PLXNA4: variants seen among roughly 807,000 people sequenced by gnomAD.
PLXNA4 encodes the protein plexin A4.
PLXNA4 carries 44 observed loss-of-function variants against 191.8 expected under a neutral mutation model. The ratio of observed to expected loss-of-function variants is 0.23; its 90% CI spans 0.18 to 0.29. PLXNA4 has a LOEUF of 0.29. Ranked by LOEUF, PLXNA4 falls within the 10% of genes least tolerant of loss-of-function variation. The pLI is 1.00. For missense variants in PLXNA4, 1,800 were observed against 2,488.8 expected (o/e 0.72, Z 5.89); for synonymous variants, 1,082 against 1,009.5 (o/e 1.07, Z -1.36).
rs939031358 is a variant in PLXNA4, at chr7:132,128,070, T to TTAAA, written c.*2405_*2408dup. 1.3e-5 allele frequency: 2 copies of TTAAA among 151,836 alleles called. No homozygotes were observed. The highest frequency in any genetic ancestry group is 6.6e-5 in the Admixed American group (1 of 15,248). 9.4% of individuals were successfully genotyped at this position (151,836 alleles called of 1,614,324 possible). A position where few individuals can be genotyped will look rare whatever the true frequency, so the allele number is the denominator to read the frequency against. On this transcript the variant is annotated 3_prime_UTR_variant, in exon 32 of 32. Coordinates refer to ENST00000321063, the MANE Select transcript of PLXNA4 (RefSeq NM_020911.2). ...GCAGCTTCCATCCAGCAAATCTGTG[T>TTAAA]TAAATACGTTTGTGTCTCTTTCCTC...
At chr7:132,304,152 G>C (rs1233781476) in intron 3 of PLXNA4, among the ~76,000 whole-genome samples, 37 of 152,180 alleles carry the variant, frequency 2.4e-4, no homozygotes, top group Non-Finnish European at 5.9e-5. Context: ...AACATACTGA[G>C]AGAAGGGTTA....
At chr7:132,316,100 A>C (rs927366766) in intron 3 of PLXNA4, among the ~76,000 whole-genome samples, 3 of 152,196 alleles carry the variant, frequency 2.0e-5, no homozygotes, top group African/African-American at 4.8e-5. Flanking sequence ...AACTTGGAAA[A>C]ACTGCTATGC....
chr7:132,439,357 A>C (rs1360293060), intron 3 of PLXNA4, among the ~76,000 whole-genome samples: 1 of 152,170 alleles, frequency 6.6e-6, no homozygotes, highest in African/African-American at 2.4e-5. Context: ...GGCCAGCTAC[A>C]CTTTAGAATA....
chr7:132,535,327 A>G (rs145598493), intron 1 of PLXNA4, among the ~76,000 whole-genome samples: 243 of 152,294 alleles, frequency 1.6e-3, no homozygotes, highest in Middle Eastern at 3.4e-3. Flanking sequence ...TCATTCCCCA[A>G]CTTTGTTGAG....
intron 3 of PLXNA4, among the ~76,000 whole-genome samples, chr7:132,353,531 T>A (rs967405063): frequency 6.6e-6 from 1 of 152,140 alleles, no homozygotes; most frequent in African/African-American, 2.4e-5. Flanking sequence ...CTAGGAAGTT[T>A]CTCCTCCTAA....
intron 1 of PLXNA4, among the ~76,000 whole-genome samples, chr7:132,512,380 T>C (rs1160486196): frequency 2.0e-5 from 3 of 152,178 alleles, no homozygotes; most frequent in African/African-American, 7.2e-5. Flanking sequence ...AAAGGTGCCA[T>C]GGCTCATTCT....
chr7:132,158,020 C>A (rs1721531182), intron 25 of PLXNA4, among the ~76,000 whole-genome samples: 1 of 152,212 alleles, frequency 6.6e-6, no homozygotes, highest in South Asian at 2.1e-4. Context: ...ACCACCATCA[C>A]ACATTGGCTT....
chr7:132,260,478 G>T (rs1356951496), intron 4 of PLXNA4, among the ~76,000 whole-genome samples: 1 of 152,062 alleles, frequency 6.6e-6, no homozygotes, highest in African/African-American at 2.4e-5. Flanking sequence ...GGAACATAAA[G>T]ATAAAGACGG....
At chr7:132,285,843 C>A (rs1017543284) in intron 4 of PLXNA4, among the ~76,000 whole-genome samples, 1 of 152,136 alleles carries the variant, frequency 6.6e-6, no homozygotes, top group East Asian at 1.9e-4. Flanking sequence ...CCCTAGGGGA[C>A]AGGGGAGTGG....
At chr7:132,164,318 A>G in intron 23 of PLXNA4, 30 bp from the exon 24 acceptor site, 1 of 1,611,226 alleles carries the variant, frequency 6.2e-7, no homozygotes, top group South Asian at 1.1e-5. Flanking sequence ...CATTAGGAGG[A>G]GCTCTTGGAA....
At chr7:132,460,519 T>C (rs1175731446) in intron 3 of PLXNA4, among the ~76,000 whole-genome samples, 1 of 152,174 alleles carries the variant, frequency 6.6e-6, no homozygotes, top group Non-Finnish European at 1.5e-5. Context: ...TCCCAGAGGT[T>C]CAGGTGGCAA....
chr7:132,186,829 C>T (rs573239323), intron 15 of PLXNA4, among the ~76,000 whole-genome samples: 2 of 152,140 alleles, frequency 1.3e-5, no homozygotes, highest in Non-Finnish European at 2.9e-5. Flanking sequence ...GAAACAAACC[C>T]CCTCTTTGCC....
intron 3 of PLXNA4, among the ~76,000 whole-genome samples, chr7:132,444,406 C>T (rs1275796543): frequency 2.6e-5 from 4 of 152,236 alleles, no homozygotes; most frequent in African/African-American, 9.6e-5. Context: ...AGGCATGTGC[C>T]ACCATGCCCA....
intron 13 of PLXNA4, among the ~76,000 whole-genome samples, chr7:132,194,767 T>A (rs1297051265): frequency 6.6e-6 from 1 of 152,168 alleles, no homozygotes; most frequent in African/African-American, 2.4e-5. Flanking sequence ...ATTGCTTTGA[T>A]TACAAAATTT....
chr7:132,558,050 T>C (rs1800879400), intron 1 of PLXNA4, among the ~76,000 whole-genome samples: 1 of 152,154 alleles, frequency 6.6e-6, no homozygotes, highest in Non-Finnish European at 1.5e-5. Flanking sequence ...ATATGAGATG[T>C]AAATACTGAA....
At chr7:132,405,378 T>C (rs1459541088) in intron 3 of PLXNA4, among the ~76,000 whole-genome samples, 1 of 152,198 alleles carries the variant, frequency 6.6e-6, no homozygotes, top group Admixed American at 6.5e-5. Context: ...CCATACCTGC[T>C]ACATTGGACT....
intron 24 of PLXNA4, among the ~76,000 whole-genome samples, chr7:132,161,631 G>A (rs189867676): frequency 6.6e-6 from 1 of 152,124 alleles, no homozygotes; most frequent in Non-Finnish European, 1.5e-5. Flanking sequence ...TGGGCATCTA[G>A]CGCTCTAGCA....
At chr7:132,622,883 A>G (rs2116868967) in intron 2 of PLXNA4, among the ~76,000 whole-genome samples, 1 of 152,338 alleles carries the variant, frequency 6.6e-6, no homozygotes, top group African/African-American at 2.4e-5. Flanking sequence ...TTTCTGTGGC[A>G]TGGAGAAATT....
chr7:132,165,056 G>T, intron 23 of PLXNA4, 78 bp downstream of exon 23: 1 of 1,553,678 alleles, frequency 6.4e-7, no homozygotes, highest in Non-Finnish European at 8.7e-7. Context: ...GGAGGACTCG[G>T]GGGTGTGGAG....
Sources: allele counts gnomAD v4.1 joint callset (sites outside exome capture counted in the v4.1 genomes callset), GRCh38; gene constraint gnomAD v4.1.1; transcripts MANE v1.5; gene names NCBI Gene and HGNC (gene_info 2026-07-23, HGNC 2026-07-21).